The following MYPN variants were observed in gnomAD, a reference collection of about 807,000 sequenced individuals.
The protein encoded by MYPN is sarcomeric protein myopalladin, 145 kDa (MYOP).
MYPN carries 63 observed loss-of-function variants against 129.4 expected under a neutral mutation model. That is an observed-to-expected ratio of 0.49 (90% confidence interval 0.40 to 0.60). MYPN has a LOEUF of 0.60. Among genes scored for constraint, MYPN ranks in the 20% least tolerant of loss-of-function variants. The probability of loss-of-function intolerance (pLI) is 0.00; values close to 1 mark genes in which losing one functional copy is unlikely to be tolerated. For missense variants in MYPN, 1,596 were observed against 1,635.4 expected (o/e 0.98, Z 0.42); for synonymous variants, 629 against 600.9 (o/e 1.05, Z -0.68).
rs10998017 is a variant in MYPN at position 68,202,305 on chromosome 10, T to C, written c.3659+311T>C. ...AAAATTAGCCAGGCGTGGTAGCAGG[T>C]GCCTGTAGTCCCAGCTACTCGGGAG... On this transcript the variant is annotated intron_variant, in intron 18 of 19. Transcript: ENST00000358913. 0.58 allele frequency among the ~76,000 whole-genome samples: 87,929 copies of C among 151,790 alleles called. 27,432 individuals are homozygous for C. The highest frequency in any genetic ancestry group is 0.69 in the Non-Finnish European group (46,876 of 67,914).
chr10:68,208,500 T>C (rs1226406040), intron 19 of MYPN, among the ~76,000 whole-genome samples: 3 of 152,162 alleles, frequency 2.0e-5, no homozygotes, highest in Non-Finnish European at 2.9e-5. Context: ...TAGTGATATG[T>C]TCCTTAATCA....
At chr10:68,178,667 C>T (rs1027710759) in intron 12 of MYPN, among the ~76,000 whole-genome samples, 1 of 145,094 alleles carries the variant, frequency 6.9e-6, no homozygotes, top group East Asian at 2.0e-4. Context: ...GAGCCGAGAT[C>T]ATGCCATTGA....
chr10:68,106,468 C>T, upstream of MYPN: 1 of 497,192 alleles, frequency 2.0e-6, no homozygotes, highest in Non-Finnish European at 3.6e-6. Context: ...CTTGTCTTTG[C>T]TGTGAAAATT....
intron 5 of MYPN, 32 bp downstream of exon 5, chr10:68,148,499 T>A (rs761013303): frequency 6.4e-7 from 1 of 1,551,202 alleles, no homozygotes; most frequent in African/African-American, 1.4e-5. Context: ...ACAAGTGCCA[T>A]CCACTGTGAC....
chr10:68,150,217 G>T (rs2042745221), intron 6 of MYPN, 106 bp downstream of exon 6: 1 of 965,000 alleles, frequency 1.0e-6, no homozygotes. Context: ...TTGGTCTTCT[G>T]TATGTACGGT....
Position 68,211,561 on chromosome 10 carries a change from A to C in MYPN, c.*1106A>C. Reference sequence around the variant, plus strand: ...AGGTGGAAAAGTTGGGAGAAAGGGGAATATGCATCTTTATTCTAATCACCA... The same window carrying C: ...AGGTGGAAAAGTTGGGAGAAAGGGGCATATGCATCTTTATTCTAATCACCA... On this transcript the variant is annotated 3_prime_UTR_variant, in exon 20 of 20. Coordinates refer to ENST00000358913, the MANE Select transcript of MYPN (RefSeq NM_032578.4). The C allele has an allele frequency of 2.2e-6, 1 of 454,080 alleles. No individual in the cohort carries two copies. Among genetic ancestry groups the C allele is most frequent in the Non-Finnish European group, 4.4e-6 (1 of 226,782 alleles). 28.1% of individuals were successfully genotyped at this position (454,080 alleles called of 1,614,324 possible).
At chr10:68,136,525 A>T in intron 2 of MYPN, 3 of 1,411,350 alleles carry the variant, frequency 2.1e-6, no homozygotes, top group Non-Finnish European at 2.8e-6. Context: ...TTCAGAAGCC[A>T]GCCTGATCCC....
At chr10:68,109,452 C>A (rs933438088), upstream of MYPN, 1 of 451,480 alleles carries the variant, frequency 2.2e-6, no homozygotes, top group Admixed American at 2.4e-5. Flanking sequence ...TTCACAGGCA[C>A]ATGGTTTATA....
chr10:68,145,458 T>C lies in MYPN; in HGVS notation c.1079-17T>C. 6.2e-7 allele frequency: 1 copy of C among 1,608,384 alleles called. No individual in the cohort carries two copies. The highest frequency in any genetic ancestry group is 8.5e-7 in the Non-Finnish European group (1 of 1,175,080). On this transcript the variant is annotated splice_polypyrimidine_tract_variant and intron_variant, in intron 3 of 19. Transcript: ENST00000358913. ...TTGTCATCTTAACAATCTTATGTCT[T>C]GTTTTTATTTTTCCAGGGGTTTCTT... is the stretch of plus-strand genomic sequence containing the variant.
At chr10:68,172,696 T>C (rs1266141888) in intron 10 of MYPN, among the ~76,000 whole-genome samples, 1 of 152,184 alleles carries the variant, frequency 6.6e-6, no homozygotes, top group African/African-American at 2.4e-5. Context: ...AATAAAAGTC[T>C]AAGGCAAGGT....
In MYPN at chr10:68,121,541, G is replaced by T. The variant is rs1287546364; in HGVS notation, c.103G>T (p.Ala35Ser). 10 of 1,614,098 alleles carry T rather than the reference G, an allele frequency of 6.2e-6. No homozygotes were observed. The African/African-American group carries it at 9.3e-5, about 15-fold the overall frequency. ...RHRGNNERSR[A>S]EPSSNPCHFG... ...TCGGGGAAACAATGAGAGGAGTCGA[G>T]CGGAGCCCTCCTCCAACCCTTGCCA... The change falls in exon 2 of 20, where the codon GCG becomes TCG. Residue 35 changes from alanine to serine, a missense_variant. Physicochemically the swap from Ala to Ser is moderately conservative, Grantham distance 99. Transcript: ENST00000358913.
chr10:68,201,205 T>C (rs2043703767), intron 17 of MYPN, among the ~76,000 whole-genome samples: 1 of 152,250 alleles, frequency 6.6e-6, no homozygotes, highest in Non-Finnish European at 1.5e-5. Flanking sequence ...GAAATTCCTT[T>C]AATTCCACCA....
chr10:68,165,859 T>C, intron 9 of MYPN, 41 bp downstream of exon 9: 4 of 1,496,792 alleles, frequency 2.7e-6, no homozygotes, highest in Non-Finnish European at 2.8e-6. Flanking sequence ...GCCTATGACT[T>C]TGAGTGTGAA....
chr10:68,116,300 A>AT (rs765428233), intron 1 of MYPN, among the ~76,000 whole-genome samples: 9 of 152,020 alleles, frequency 5.9e-5, no homozygotes, highest in Non-Finnish European at 1.0e-4. Flanking sequence ...TAATTTTCAT[A>AT]TTTTTTATTT....
chr10:68,126,950 C>G (rs894580292), intron 2 of MYPN, among the ~76,000 whole-genome samples: 4 of 152,202 alleles, frequency 2.6e-5, no homozygotes, highest in Non-Finnish European at 5.9e-5. Context: ...ACAACTAATA[C>G]TTGGAGCCAT....
At chr10:68,129,869 C>T (rs188214255) in intron 2 of MYPN, among the ~76,000 whole-genome samples, 4 of 152,246 alleles carry the variant, frequency 2.6e-5, no homozygotes, top group Admixed American at 2.0e-4. Flanking sequence ...TAAACATTTC[C>T]TTTGAGTGTT....
At chr10:68,098,153 G>GGCGGATCAT (rs2041965795) in intron 1 of MYPN, among the ~76,000 whole-genome samples, 1 of 152,114 alleles carries the variant, frequency 6.6e-6, no homozygotes, top group East Asian at 1.9e-4. Flanking sequence ...GGCTGAAGTG[G>GGCGGATCAT]GAGAATCTCT....
Position 68,122,232 on chromosome 10 carries a change from T to C in MYPN, c.794T>C (p.Leu265Pro), listed in dbSNP as rs766534329. 1.6e-5 allele frequency: 26 copies of C among 1,612,392 alleles called. No homozygotes were observed. The highest frequency in any genetic ancestry group is 2.2e-5 in the East Asian group (1 of 44,872). ...SPSSLYYEEP[L>P]GQPPRFTQKL... is the part of the protein sequence containing the mutation. ...TCATCTCTGTACTATGAAGAACCTC[T>C]GGGGCAACCTCCCCGGTTCACTCAA... Residue 265 changes from leucine (L) to proline (P), a missense_variant, in exon 2 of 20, where the codon CTG (leucine) becomes CCG (proline). By Grantham distance (98) the Leu-to-Pro change is moderately conservative (BLOSUM62 -3). Transcript: ENST00000358913.
intron 7 of MYPN, among the ~76,000 whole-genome samples, chr10:68,161,480 A>C (rs1280376358): frequency 6.6e-6 from 1 of 150,460 alleles, no homozygotes; most frequent in Non-Finnish European, 1.5e-5. Flanking sequence ...GTGCCATTGC[A>C]CTCCAGCCTG....
Sources: gnomAD v4.1 joint callset for allele counts (sites outside exome capture counted in the v4.1 genomes callset) on GRCh38, gnomAD v4.1.1 for gene constraint, MANE v1.5 for transcripts, NCBI Gene and HGNC (gene_info 2026-07-23, HGNC 2026-07-21) for gene names.